The following ACAP2 variants were observed in gnomAD, a reference collection of about 807,000 sequenced individuals.
The protein encoded by ACAP2 is ArfGAP with coiled-coil, ankyrin repeat and PH domains 2, also known as arf-GAP with coiled-coil, ANK repeat and PH domain-containing protein 2.
A neutral mutation model predicts 115.8 loss-of-function variants in ACAP2; 39 were observed. The observed-to-expected ratio is 0.34, with a 90% CI of 0.26 to 0.44. The LOEUF (loss-of-function observed/expected upper bound fraction) is 0.44, where lower values mean the gene tolerates loss of function less well. Among genes scored for constraint, ACAP2 ranks in the 20% least tolerant of loss-of-function variants. The probability of loss-of-function intolerance (pLI) is 1.00; values close to 1 mark genes in which losing one functional copy is unlikely to be tolerated. For synonymous variants in ACAP2, 289 were observed against 315.8 expected (o/e 0.92, Z 0.90); for missense variants, 662 against 927.6 (o/e 0.71, Z 3.72).
chr3:195,295,356 A>G (rs1313325659), intron 17 of ACAP2: 3 of 1,111,832 alleles, frequency 2.7e-6, no homozygotes, highest in Non-Finnish European at 3.6e-6. Flanking sequence ...GGAAAAGGGC[A>G]GGAAAAAACG....
At chr3:195,297,079 G>A (rs1727702696) in intron 16 of ACAP2, 111 bp downstream of exon 16, 1 of 854,692 alleles carries the variant, frequency 1.2e-6, no homozygotes, top group African/African-American at 1.7e-5. Context: ...GAACAGAAGT[G>A]GTAATGACTG....
chr3:195,374,170 G>A (rs1355357165), intron 4 of ACAP2, among the ~76,000 whole-genome samples: 1 of 152,146 alleles, frequency 6.6e-6, no homozygotes, highest in Non-Finnish European at 1.5e-5. Context: ...TGGATCACTT[G>A]AGGTCCGGAG....
chr3:195,298,446 G>C (rs927541122), intron 15 of ACAP2, among the ~76,000 whole-genome samples: 21 of 152,042 alleles, frequency 1.4e-4, no homozygotes, highest in African/African-American at 4.3e-4. Context: ...AGTAGAGACA[G>C]GGTTTCACTA....
At chr3:195,402,095 GA>G (rs1257843893) in intron 1 of ACAP2, among the ~76,000 whole-genome samples, 2 of 152,116 alleles carry the variant, frequency 1.3e-5, no homozygotes, top group Non-Finnish European at 2.9e-5. Flanking sequence ...ATTTACTAAT[GA>G]TAATTAAATT....
intron 9 of ACAP2, among the ~76,000 whole-genome samples, chr3:195,325,844 TTAAAA>T (rs1466541840): frequency 6.6e-6 from 1 of 152,144 alleles, no homozygotes; most frequent in Non-Finnish European, 1.5e-5. Flanking sequence ...ATCTGTCAAC[TTAAAA>T]TAAAAAGTTA....
chr3:195,301,709 T>C, intron 14 of ACAP2, 65 bp from the exon 15 acceptor site: 1 of 1,453,712 alleles, frequency 6.9e-7, no homozygotes, highest in Non-Finnish European at 9.6e-7. Context: ...GCAAGTTCTG[T>C]TTTAACGTGA....
At chr3:195,422,498 T>C (rs1714269289) in intron 1 of ACAP2, among the ~76,000 whole-genome samples, 1 of 152,158 alleles carries the variant, frequency 6.6e-6, no homozygotes, top group Non-Finnish European at 1.5e-5. Context: ...CTTTTTTATT[T>C]AGAGATGGAG....
intron 13 of ACAP2, among the ~76,000 whole-genome samples, chr3:195,305,670 A>G (rs1329664948): frequency 2.6e-5 from 4 of 152,164 alleles, no homozygotes; most frequent in African/African-American, 9.7e-5. Flanking sequence ...GATTCTAGAG[A>G]CAGACGTATT....
At chr3:195,388,718 T>A (rs989191107) in intron 2 of ACAP2, among the ~76,000 whole-genome samples, 1 of 152,188 alleles carries the variant, frequency 6.6e-6, no homozygotes, top group South Asian at 2.1e-4. Context: ...ATAAAAATAA[T>A]AGTTAATAGA....
intron 4 of ACAP2, among the ~76,000 whole-genome samples, chr3:195,365,893 T>G (rs1732684132): frequency 6.7e-6 from 1 of 150,358 alleles, no homozygotes; most frequent in Admixed American, 6.7e-5. Flanking sequence ...TAAGCTGGAG[T>G]GTAGGTGGCG....
chr3:195,347,992 G>C (rs78910831), intron 4 of ACAP2, among the ~76,000 whole-genome samples: 3 of 150,974 alleles, frequency 2.0e-5, no homozygotes, highest in Non-Finnish European at 4.4e-5. Context: ...ACTCTAGCCC[G>C]AGCAACAGAG....
intron 4 of ACAP2, among the ~76,000 whole-genome samples, chr3:195,378,822 C>T (rs961031480): frequency 2.7e-5 from 4 of 149,576 alleles, no homozygotes; most frequent in Non-Finnish European, 1.5e-5. Flanking sequence ...GATCGCACCA[C>T]TGCACTCCAG....
intron 21 of ACAP2, among the ~76,000 whole-genome samples, chr3:195,286,817 A>T (rs538700734): frequency 6.6e-6 from 1 of 152,226 alleles, no homozygotes; most frequent in African/African-American, 2.4e-5. Flanking sequence ...AAAACAGATT[A>T]TTTTTAAGGG....
intron 1 of ACAP2, among the ~76,000 whole-genome samples, chr3:195,424,577 G>A (rs1328975624): frequency 2.0e-5 from 3 of 151,400 alleles, no homozygotes; most frequent in Non-Finnish European, 4.4e-5. Flanking sequence ...GGGATTACAG[G>A]TGTGAGCCAC....
chr3:195,287,478 C>T (rs1726920542), intron 21 of ACAP2, among the ~76,000 whole-genome samples: 2 of 151,896 alleles, frequency 1.3e-5, no homozygotes, highest in African/African-American at 4.8e-5. Context: ...GCCACCACAC[C>T]CGGCTAATTT....
intron 13 of ACAP2, 86 bp downstream of exon 13, chr3:195,306,425 G>A (rs1014625587): frequency 2.3e-5 from 15 of 641,752 alleles, no homozygotes; most frequent in Middle Eastern, 2.7e-4. Flanking sequence ...CATAACAAAC[G>A]ATGCTACATA....
chr3:195,427,322 T>C (rs9821765), intron 1 of ACAP2, among the ~76,000 whole-genome samples: 42,080 of 152,060 alleles, frequency 0.28, 6,591 homozygotes, highest in East Asian at 0.71. Context: ...TCTCCAGAAC[T>C]GTAAAATCAT....
At chr3:195,302,284 T>A (rs1213419375) in intron 13 of ACAP2, 110 bp from the exon 14 acceptor site, 2 of 957,892 alleles carry the variant, frequency 2.1e-6, no homozygotes, top group Non-Finnish European at 3.1e-6. Flanking sequence ...AAAGGCCTGT[T>A]ACAGGCATAA....
intron 22 of ACAP2, chr3:195,279,892 T>C (rs1196846269): frequency 1.3e-5 from 2 of 152,284 alleles, no homozygotes; most frequent in Admixed American, 6.5e-5. Context: ...AAACTGATAA[T>C]CAGATAGGGA....
Sources: allele counts gnomAD v4.1 joint callset (sites outside exome capture counted in the v4.1 genomes callset), GRCh38; gene constraint gnomAD v4.1.1; transcripts MANE v1.5; gene names NCBI Gene and HGNC (gene_info 2026-07-23, HGNC 2026-07-21).